Variants in PCLAF observed in about 807,000 individuals in gnomAD.
PCLAF encodes PCNA-associated factor.
PCLAF carries 12 observed loss-of-function variants against 15.1 expected under a neutral mutation model. The ratio of observed to expected loss-of-function variants is 0.79; its 90% CI spans 0.51 to 1.29. The LOEUF is 1.29. Among genes scored for constraint, PCLAF ranks in the 50% most tolerant of loss-of-function variants. The probability of loss-of-function intolerance (pLI) is 0.00; values close to 1 mark genes in which losing one functional copy is unlikely to be tolerated. For missense variants in PCLAF, 116 were observed against 130.9 expected (o/e 0.89, Z 0.56); for synonymous variants, 33 against 47.1 (o/e 0.70, Z 1.22).
Position 64,386,706 on chromosome 15 carries a change from C to T in PCLAF, n.241+741G>A, listed in dbSNP as rs1899948271. Among the ~76,000 whole-genome samples, 3 of 151,984 alleles carry T rather than the reference C, an allele frequency of 2.0e-5. No homozygotes were observed. The South Asian group carries it at 6.2e-4, about 32-fold the overall frequency. On this transcript the variant is annotated intron_variant and non_coding_transcript_variant, in intron 1 of 1. Coordinates refer to the PCLAF transcript ENST00000558250. The stretch of plus-strand genomic sequence containing the variant: ...CCTCCCGCCTCGGCCTCCCAAAGCG[C>T]TGGGATTACAGGCATGAGACACTGC...
chr15:64,381,464 G>T (rs547740889), upstream of PCLAF: 12 of 1,611,250 alleles, frequency 7.4e-6, no homozygotes, highest in African/African-American at 1.5e-4. Flanking sequence ...TCCCGCCACA[G>T]TTTATATTGG....
chr15:64,366,107 T>G (rs752943581), intron 3 of PCLAF, 32 bp from the exon 4 acceptor site: 7 of 1,566,488 alleles, frequency 4.5e-6, no homozygotes, highest in Non-Finnish European at 6.1e-6. Flanking sequence ...TCAATAGCCA[T>G]CCAAGTATCA....
At position 64,376,717 on chromosome 15, in the gene PCLAF, T is replaced by G. The variant is rs771497961; in HGVS notation, c.290+26A>C. 2.8e-5 allele frequency: 44 copies of G among 1,586,924 alleles called. 1 individual carries two copies. In the Admixed American group the frequency reaches 5.6e-4, roughly 20 times the overall value. On this transcript the variant is annotated intron_variant, in intron 3 of 3. Transcript: ENST00000300035. ...TACAGGCGTGAGATAAATATTTTCT[T>G]TATATTCCAGAATATAAAAACTTAC... is the stretch of plus-strand genomic sequence containing the variant.
upstream of PCLAF, among the ~76,000 whole-genome samples, chr15:64,385,609 G>A (rs544474461): frequency 6.6e-6 from 1 of 150,738 alleles, no homozygotes; most frequent in Non-Finnish European, 1.5e-5. Flanking sequence ...TGGGCAACAA[G>A]AGGAAACTCC....
chr15:64,367,968 A>G (rs1899116160), intron 3 of PCLAF, among the ~76,000 whole-genome samples: 1 of 152,142 alleles, frequency 6.6e-6, no homozygotes, highest in Admixed American at 6.6e-5. Context: ...TTGGTTTTCA[A>G]ATTAGATCCA....
intron 3 of PCLAF, among the ~76,000 whole-genome samples, chr15:64,367,721 T>C (rs909191748): frequency 1.3e-5 from 2 of 151,494 alleles, no homozygotes. Context: ...CTAATTTTTT[T>C]GTATTTTTAG....
At chr15:64,377,499 A>AAAT (rs1899656259) in intron 2 of PCLAF, among the ~76,000 whole-genome samples, 1 of 36,808 alleles carries the variant, frequency 2.7e-5, no homozygotes, top group African/African-American at 1.1e-4. Context: ...ATATATATAT[A>AAAT]TATATATATA....
upstream of PCLAF, among the ~76,000 whole-genome samples, chr15:64,384,737 C>CT (rs1316050715): frequency 1.6e-5 from 2 of 127,498 alleles, no homozygotes; most frequent in African/African-American, 3.0e-5. Context: ...GCAAGAATGT[C>CT]TAAAAAAAAA....
chr15:64,387,468 GTGC>G, exon 1 of PCLAF: 1 of 1,270,692 alleles, frequency 7.9e-7, no homozygotes, highest in Non-Finnish European at 1.0e-6. Flanking sequence ...TACCTTCCAC[GTGC>G]TGTTTTATTT....
intron 3 of PCLAF, among the ~76,000 whole-genome samples, chr15:64,367,099 G>A (rs564512262): frequency 6.6e-6 from 1 of 152,196 alleles, no homozygotes; most frequent in Non-Finnish European, 1.5e-5. Flanking sequence ...CTCCAGCCTG[G>A]GAAACAGAGC....
At position 64,365,151 on chromosome 15, in the gene PCLAF, C is replaced by T. The variant is rs1179641073; in HGVS notation, c.*879G>A. ...CCGAGTAGCTGGGACTACAGGCGCC[C>T]GCCACCGCGCCCGGCTAATTTTTTG... On this transcript the variant is annotated 3_prime_UTR_variant, in exon 4 of 4. Transcript: ENST00000300035. 2.0e-5 allele frequency: 3 copies of T among 151,858 alleles called. No homozygotes were observed. Among genetic ancestry groups the T allele is most frequent in the East Asian group, 1.9e-4 (1 of 5,180 alleles). The allele number at this position is 151,858 out of a possible 1,614,324, so 9.4% of individuals were successfully genotyped here.
At chr15:64,368,338 TA>T (rs1322319920) in intron 3 of PCLAF, among the ~76,000 whole-genome samples, 1 of 151,896 alleles carries the variant, frequency 6.6e-6, no homozygotes, top group Non-Finnish European at 1.5e-5. Context: ...AAAAACAAAA[TA>T]AGATTATCAT....
chr15:64,374,271 G>T (rs533650418), intron 3 of PCLAF, among the ~76,000 whole-genome samples: 1 of 152,158 alleles, frequency 6.6e-6, no homozygotes, highest in African/African-American at 2.4e-5. Context: ...GCCGGGTGTG[G>T]TTGCACTCGC....
chr15:64,383,224 G>A (rs571968769), upstream of PCLAF, among the ~76,000 whole-genome samples: 4 of 152,240 alleles, frequency 2.6e-5, no homozygotes, highest in South Asian at 8.3e-4. Context: ...AATAGAAAAT[G>A]TATTGGCAAT....
chr15:64,369,204 A>C (rs533557448), intron 3 of PCLAF, among the ~76,000 whole-genome samples: 1 of 152,042 alleles, frequency 6.6e-6, no homozygotes, highest in East Asian at 1.9e-4. Context: ...TCTACTAAAA[A>C]TTTAAAATTA....
intron 1 of PCLAF, chr15:64,387,348 C>T (rs1320687602): frequency 1.4e-6 from 1 of 704,716 alleles, no homozygotes; most frequent in Non-Finnish European, 1.8e-6. Flanking sequence ...TGCCACTGCA[C>T]TCAAGCCTGG....
chr15:64,381,432 C>A lies in PCLAF; in HGVS notation c.-61G>T, dbSNP rs1385623934. ...TGACTTCCCAGCCGAGGGTGTTTCA[C>A]TGGACAAGGACCCGAAAACTATCCC... On this transcript the variant is annotated 5_prime_UTR_variant, in exon 1 of 4. Coordinates refer to ENST00000300035, the MANE Select transcript of PCLAF (RefSeq NM_014736.6). The A allele has an allele frequency of 4.3e-6, 7 of 1,613,182 alleles. No homozygotes were observed. The highest frequency in any genetic ancestry group is 5.9e-6 in the Non-Finnish European group (7 of 1,179,592).
chr15:64,382,441 AAAAGAAAAGAAAG>A (rs1416568272), upstream of PCLAF: 5 of 159,154 alleles, frequency 3.1e-5, no homozygotes, highest in Admixed American at 1.8e-4. Flanking sequence ...AGAAAGAAAG[AAAAGAAAAGAAAG>A]AAAGAAAAGA....
At chr15:64,385,638 GA>G (rs985914234), upstream of PCLAF, among the ~76,000 whole-genome samples, 24 of 145,164 alleles carry the variant, frequency 1.7e-4, no homozygotes, top group South Asian at 1.8e-3. Flanking sequence ...AAAAGAAAAA[GA>G]AAAAAAAAAG....
Sources: allele counts gnomAD v4.1 joint callset (sites outside exome capture counted in the v4.1 genomes callset), GRCh38; gene constraint gnomAD v4.1.1; transcripts MANE v1.5; gene names NCBI Gene and HGNC (gene_info 2026-07-23, HGNC 2026-07-21).